The following KDM4C variants were observed in gnomAD, a reference collection of about 807,000 sequenced individuals.
The protein encoded by KDM4C is lysine demethylase 4C, also known as lysine-specific demethylase 4C.
Under a neutral mutation model 129.3 loss-of-function variants are expected in KDM4C, and 81 were observed. That is an observed-to-expected ratio of 0.63 (90% confidence interval 0.52 to 0.75). KDM4C has a LOEUF of 0.75. Among genes scored for constraint, KDM4C ranks in the 30% least tolerant of loss-of-function variants. KDM4C has a pLI of 0.00. For missense variants in KDM4C, 1,457 were observed against 1,304.0 expected, an observed-to-expected ratio of 1.12 and a Z score of -1.81; for synonymous variants, 573 against 456.1, an observed-to-expected ratio of 1.26 and a Z score of -3.26.
At chr9:6,859,800 G>A (rs1338765555) in intron 5 of KDM4C, among the ~76,000 whole-genome samples, 4 of 150,300 alleles carry the variant, frequency 2.7e-5, no homozygotes, top group Non-Finnish European at 5.9e-5. Context: ...GAGATGCGGA[G>A]CTTGTAGCAA....
At chr9:7,121,037 CAG>C (rs1210436448) in intron 18 of KDM4C, among the ~76,000 whole-genome samples, 2 of 152,124 alleles carry the variant, frequency 1.3e-5, no homozygotes, top group Admixed American at 6.5e-5. Context: ...TCCCATTACC[CAG>C]AGTTATACAT....
intron 15 of KDM4C, among the ~76,000 whole-genome samples, chr9:7,036,538 C>A (rs1351703991): frequency 6.6e-6 from 1 of 152,266 alleles, no homozygotes; most frequent in South Asian, 2.1e-4. Flanking sequence ...ACAAACAGAA[C>A]ATGATTTTCT....
At chr9:7,038,575 A>T (rs1056064669) in intron 15 of KDM4C, among the ~76,000 whole-genome samples, 5 of 152,046 alleles carry the variant, frequency 3.3e-5, no homozygotes, top group Non-Finnish European at 7.4e-5. Context: ...TTGGCTTCTG[A>T]TAATTCCAGT....
At chr9:6,958,674 C>T (rs115526277) in intron 8 of KDM4C, among the ~76,000 whole-genome samples, 5,022 of 138,904 alleles carry the variant, frequency 0.036, 177 homozygotes, top group African/African-American at 0.086. Context: ...TACATTATGC[C>T]TTTCTTTATA....
chr9:6,927,597 A>G (rs529132460), intron 8 of KDM4C, among the ~76,000 whole-genome samples: 3 of 152,220 alleles, frequency 2.0e-5, no homozygotes, highest in South Asian at 4.2e-4. Context: ...CTTTGAGGAG[A>G]TCATCCCTCA....
chr9:6,887,729 C>T (rs945292009), intron 6 of KDM4C, among the ~76,000 whole-genome samples: 1 of 152,080 alleles, frequency 6.6e-6, no homozygotes. Context: ...GTTACAAAAA[C>T]AACTTATGGT....
intron 1 of KDM4C, among the ~76,000 whole-genome samples, chr9:6,748,101 G>A (rs779071698): frequency 2.0e-5 from 3 of 151,946 alleles, no homozygotes; most frequent in Non-Finnish European, 4.4e-5. Flanking sequence ...GGGAGGCAGA[G>A]GTTGCAGTGA....
chr9:7,011,525 A>T (rs570620970), intron 12 of KDM4C, among the ~76,000 whole-genome samples, 173 bp from the exon 13 acceptor site: 16 of 152,306 alleles, frequency 1.1e-4, no homozygotes, highest in African/African-American at 3.4e-4. Flanking sequence ...GAGGAGGATT[A>T]TAAGGCAACT....
chr9:6,858,243 A>G (rs929808965), intron 5 of KDM4C, among the ~76,000 whole-genome samples: 21 of 138,894 alleles, frequency 1.5e-4, no homozygotes, highest in Admixed American at 7.9e-5. Flanking sequence ...GTTATTAGCA[A>G]TGTTCCAAAT....
intron 1 of KDM4C, among the ~76,000 whole-genome samples, chr9:6,780,072 C>T (rs1338424208): frequency 1.3e-5 from 2 of 152,140 alleles, no homozygotes; most frequent in African/African-American, 4.8e-5. Context: ...GGATACCATA[C>T]ATTCTCTCTA....
chr9:6,771,460 C>T (rs1254190754), intron 1 of KDM4C, among the ~76,000 whole-genome samples: 2 of 151,774 alleles, frequency 1.3e-5, no homozygotes, highest in Non-Finnish European at 2.9e-5. Flanking sequence ...TACAGGCATG[C>T]GCCACCATGC....
chr9:6,832,490 A>G (rs1428282550), intron 4 of KDM4C, among the ~76,000 whole-genome samples: 2 of 139,310 alleles, frequency 1.4e-5, no homozygotes, highest in African/African-American at 5.4e-5. Context: ...CAGTGGTGCA[A>G]TCTCAGCTCA....
In KDM4C at chr9:6,950,946, G is replaced by T. The variant is rs116029560; in HGVS notation, c.922-29979G>T. On this transcript the variant is annotated intron_variant, in intron 8 of 21. Coordinates refer to ENST00000381309, the MANE Select transcript of KDM4C (RefSeq NM_015061.6). ...ACAGAAAATACTTGAATTTTGGGGGGAGGAGGAATAGCTTTACAGTACTTA... is the reference window on the plus strand; with the variant it reads ...ACAGAAAATACTTGAATTTTGGGGGTAGGAGGAATAGCTTTACAGTACTTA... Among the ~76,000 whole-genome samples the T allele has an allele frequency of 3.4e-3, 518 of 152,248 alleles. 2 individuals are homozygous for T. Among genetic ancestry groups the T allele is most frequent in the African/African-American group, 0.012 (487 of 41,554 alleles).
At chr9:7,046,129 A>G (rs143661622) in intron 15 of KDM4C, among the ~76,000 whole-genome samples, 1,707 of 152,100 alleles carry the variant, frequency 0.011, 31 homozygotes, top group African/African-American at 0.036. Flanking sequence ...CTTTTTCATG[A>G]GAGTGTAGTG....
chr9:6,934,017 T>A (rs1824245140), intron 8 of KDM4C, among the ~76,000 whole-genome samples: 1 of 151,968 alleles, frequency 6.6e-6, no homozygotes, highest in Admixed American at 6.6e-5. Context: ...GCCTGGCTAA[T>A]TTTTGTACTT....
rs576526539 is a variant in KDM4C, at chr9:7,175,499, A to T, written c.*770A>T. Reference sequence around the variant, plus strand: ...TATTCCGAGTAGATATTTATAAAATATATGTTTCTTTCATTATGTGTTTGT... The same window carrying T: ...TATTCCGAGTAGATATTTATAAAATTTATGTTTCTTTCATTATGTGTTTGT... On this transcript the variant is annotated 3_prime_UTR_variant, in exon 22 of 22. Transcript: ENST00000381309. The T allele has an allele frequency of 6.6e-6, 1 of 152,560 alleles. No homozygotes were observed. The highest frequency in any genetic ancestry group is 6.5e-5 in the Admixed American group (1 of 15,274). The allele number at this position is 152,560 out of a possible 1,614,324, so 9.5% of individuals were successfully genotyped here.
chr9:7,065,161 A>G (rs1415747084), intron 17 of KDM4C, among the ~76,000 whole-genome samples: 1 of 152,186 alleles, frequency 6.6e-6, no homozygotes, highest in Admixed American at 6.5e-5. Flanking sequence ...ACCCATGAAA[A>G]TGAGTTTATT....
chr9:6,808,984 C>A (rs1262123759), intron 3 of KDM4C, among the ~76,000 whole-genome samples: 1 of 151,998 alleles, frequency 6.6e-6, no homozygotes, highest in African/African-American at 2.4e-5. Context: ...ATCATAGTTT[C>A]CAAATTCCCT....
At chr9:6,959,522 A>G (rs1829674433) in intron 8 of KDM4C, among the ~76,000 whole-genome samples, 1 of 152,186 alleles carries the variant, frequency 6.6e-6, no homozygotes, top group African/African-American at 2.4e-5. Flanking sequence ...GAAGCTACAT[A>G]TTTACTCTGA....
Sources: gnomAD v4.1 joint callset for allele counts (sites outside exome capture counted in the v4.1 genomes callset) on GRCh38, gnomAD v4.1.1 for gene constraint, MANE v1.5 for transcripts, NCBI Gene and HGNC (gene_info 2026-07-23, HGNC 2026-07-21) for gene names.